Variants in SOX5 observed in about 807,000 individuals in gnomAD.
SOX5 encodes the protein SRY-box transcription factor 5.
A neutral mutation model predicts 92.0 loss-of-function variants in SOX5; 9 were observed. The ratio of observed to expected loss-of-function variants is 0.10; its 90% confidence interval spans 0.06 to 0.17. The LOEUF (loss-of-function observed/expected upper bound fraction) is 0.17. Among genes scored for constraint, SOX5 ranks in the 10% least tolerant of loss-of-function variants. The pLI, the probability that SOX5 is intolerant of heterozygous loss-of-function variation, is 1.00. For synonymous variants in SOX5, 344 were observed against 336.3 expected, an observed-to-expected ratio of 1.02 and a Z score of -0.25; for missense variants, 642 against 944.5, an observed-to-expected ratio of 0.68 and a Z score of 4.20.
intron 3 of SOX5, among the ~76,000 whole-genome samples, chr12:23,832,209 A>G (rs989875113): frequency 6.6e-6 from 1 of 151,986 alleles, no homozygotes; most frequent in Non-Finnish European, 1.5e-5. Flanking sequence ...CACTGGTCAC[A>G]AGTTTCAATT....
chr12:24,473,376 G>T (rs961259874), intron 1 of SOX5, among the ~76,000 whole-genome samples: 1 of 152,210 alleles, frequency 6.6e-6, no homozygotes, highest in Non-Finnish European at 1.5e-5. Flanking sequence ...GGAGATGTGG[G>T]CAAGTGGCTC....
intron 6 of SOX5, among the ~76,000 whole-genome samples, chr12:23,702,796 G>T (rs11047052): frequency 6.6e-6 from 1 of 151,854 alleles, no homozygotes; most frequent in East Asian, 1.9e-4. Flanking sequence ...ATGTATATAT[G>T]TGTATAGAAT....
intron 2 of SOX5, among the ~76,000 whole-genome samples, chr12:24,333,492 G>A (rs1347342313): frequency 6.6e-6 from 1 of 151,932 alleles, no homozygotes; most frequent in Non-Finnish European, 1.5e-5. Flanking sequence ...GAGAGCTTAT[G>A]ACTAGTGTAT....
chr12:23,576,344 A>G (rs1777396338), intron 9 of SOX5, among the ~76,000 whole-genome samples: 1 of 152,168 alleles, frequency 6.6e-6, no homozygotes, highest in South Asian at 2.1e-4. Context: ...CGCACACACA[A>G]GAAAATTTCT....
chr12:23,969,649 A>C lies in SOX5; in HGVS notation c.-1-73625T>G, dbSNP rs532914419. ...TCAAATTTCAGTTCTACTTCTTCTG[A>C]GTCACTCTTCTTTATGTCCAGACTA... On this transcript the variant is annotated intron_variant, in intron 4 of 4. Coordinates refer to the SOX5 transcript ENST00000446891. Among the ~76,000 whole-genome samples, 15 of 152,274 alleles carry C rather than the reference A, an allele frequency of 9.9e-5. No homozygotes were observed. In the South Asian group the frequency reaches 3.1e-3, roughly 32 times the overall value.
At chr12:24,363,193 C>A (rs187554005) in intron 2 of SOX5, among the ~76,000 whole-genome samples, 1 of 151,838 alleles carries the variant, frequency 6.6e-6, no homozygotes, top group South Asian at 2.1e-4. Context: ...TTCCTGTTTG[C>A]GCTGCTTTTT....
At chr12:24,179,502 T>C (rs958166176) in intron 4 of SOX5, among the ~76,000 whole-genome samples, 3 of 152,192 alleles carry the variant, frequency 2.0e-5, no homozygotes, top group Non-Finnish European at 4.4e-5. Flanking sequence ...ACCATGAGGG[T>C]AAACAACTAA....
intron 2 of SOX5, among the ~76,000 whole-genome samples, chr12:23,867,616 TA>T (rs1158188599): frequency 2.0e-5 from 3 of 151,806 alleles, no homozygotes; most frequent in Non-Finnish European, 4.4e-5. Flanking sequence ...TACCCCAAAT[TA>T]AAAAAATCTA....
At chr12:23,970,841 A>ATATATTTTTTTTTTTTTT in intron 4 of SOX5, among the ~76,000 whole-genome samples, 1 of 21,868 alleles carries the variant, frequency 4.6e-5, no homozygotes, top group Non-Finnish European at 1.0e-4. Context: ...TATATATATA[A>ATATATTTTTTTTTTTTTT]TTTTTTTTTT....
chr12:23,798,595 G>T (rs901451127), intron 3 of SOX5, among the ~76,000 whole-genome samples: 17 of 71,386 alleles, frequency 2.4e-4, no homozygotes, highest in African/African-American at 8.1e-4. Context: ...AATGGCAAAA[G>T]AACCAAAAAA....
chr12:24,135,524 G>A (rs528318565), intron 4 of SOX5, among the ~76,000 whole-genome samples: 29 of 152,238 alleles, frequency 1.9e-4, no homozygotes, highest in Admixed American at 9.2e-4. Context: ...ATGCACTGGC[G>A]TTCTGTGAAA....
chr12:23,597,147 A>C (rs1438239233), intron 9 of SOX5, among the ~76,000 whole-genome samples: 2 of 152,200 alleles, frequency 1.3e-5, no homozygotes, highest in African/African-American at 4.8e-5. Context: ...AAAAGCTTTG[A>C]CATGGCTCAC....
At chr12:23,966,022 T>C (rs10842249) in intron 4 of SOX5, among the ~76,000 whole-genome samples, 71,969 of 151,810 alleles carry the variant, frequency 0.47, 17,827 homozygotes, top group African/African-American at 0.58. Flanking sequence ...CATTGCTTAA[T>C]GCAGGTTATT....
chr12:23,615,422 G>T (rs953705201), intron 8 of SOX5, among the ~76,000 whole-genome samples: 1 of 152,078 alleles, frequency 6.6e-6, no homozygotes, highest in South Asian at 2.1e-4. Context: ...CAGGGGAATT[G>T]TTGTGTAGAT....
At position 23,640,839 on chromosome 12, in the gene SOX5, T is replaced by C. The variant is rs2138724063; in HGVS notation, c.990A>G (p.Thr330=). The C allele has an allele frequency of 2.5e-6, 4 of 1,614,004 alleles. No individual in the cohort carries two copies. The highest frequency in any genetic ancestry group is 2.5e-6 in the Non-Finnish European group (3 of 1,179,852). Residue 330 remains threonine (T), a synonymous_variant, in exon 8 of 15, where the codon ACA becomes ACG. Coordinates refer to ENST00000451604, the MANE Select transcript of SOX5 (RefSeq NM_006940.6). Reference sequence around the variant, plus strand: ...GCAGTTGGAGTGGGCCTAAGCCTGGTGTTGCTGCGGCAGCAGCTGCCATGG... The same window carrying C: ...GCAGTTGGAGTGGGCCTAAGCCTGGCGTTGCTGCGGCAGCAGCTGCCATGG... The part of the protein sequence containing the change: ...PTTMAAAAAA[T]PGLGPLQLQQ...
chr12:23,685,262 C>T (rs2087319022), intron 6 of SOX5, among the ~76,000 whole-genome samples: 1 of 151,958 alleles, frequency 6.6e-6, no homozygotes, highest in African/African-American at 2.4e-5. Context: ...CCTGCTTTAA[C>T]TTTAGAAGAC....
chr12:23,574,832 T>C (rs755086429), intron 10 of SOX5, among the ~76,000 whole-genome samples: 12 of 152,206 alleles, frequency 7.9e-5, no homozygotes, highest in Non-Finnish European at 1.5e-4. Flanking sequence ...AGGATATATC[T>C]AACTCATACT....
chr12:24,064,850 A>G (rs1056725759), intron 4 of SOX5, among the ~76,000 whole-genome samples: 3 of 152,342 alleles, frequency 2.0e-5, no homozygotes, highest in African/African-American at 7.2e-5. Context: ...GGATGGGTTC[A>G]TGTGACAGAG....
intron 6 of SOX5, among the ~76,000 whole-genome samples, chr12:23,708,582 C>A (rs2091707506): frequency 6.6e-6 from 1 of 152,064 alleles, no homozygotes; most frequent in Non-Finnish European, 1.5e-5. Flanking sequence ...GATCTGACAG[C>A]AATGCACAGA....
Sources: allele counts gnomAD v4.1 joint callset (sites outside exome capture counted in the v4.1 genomes callset), GRCh38; gene constraint gnomAD v4.1.1; transcripts MANE v1.5; gene names NCBI Gene and HGNC (gene_info 2026-07-23, HGNC 2026-07-21).